EXD1: variants seen among roughly 807,000 people sequenced by gnomAD.
The protein encoded by EXD1 is piRNA biogenesis protein EXD1.
EXD1 carries 63 observed loss-of-function variants against 49.1 expected under a neutral mutation model. The ratio of observed to expected loss-of-function variants is 1.28; its 90% CI spans 1.05 to 1.58. The LOEUF (loss-of-function observed/expected upper bound fraction) is 1.58. Ranked by LOEUF, EXD1 falls within the 40% of genes most tolerant of loss-of-function variation. The pLI, the probability that EXD1 is intolerant of heterozygous loss-of-function variation, is 0.00. For synonymous variants in EXD1, 234 were observed against 239.2 expected, an observed-to-expected ratio of 0.98 and a Z score of 0.20; for missense variants, 748 against 666.0, an observed-to-expected ratio of 1.12 and a Z score of -1.36.
At position 41,227,991 on chromosome 15, in the gene EXD1, A is replaced by C. The variant is rs534622259; in HGVS notation, c.-53-1363T>G. ...CTTGAACCCAGGAGGTGGAGGTTGCAGTGAGCCAAGATCGCGCCATTGCAC... is the reference window on the plus strand; with the variant it reads ...CTTGAACCCAGGAGGTGGAGGTTGCCGTGAGCCAAGATCGCGCCATTGCAC... On this transcript the variant is annotated intron_variant, in intron 1 of 11. Transcript: ENST00000458580. Among the ~76,000 whole-genome samples the C allele has an allele frequency of 5.3e-5, 8 of 152,230 alleles. No individual in the cohort carries two copies. In the South Asian group the frequency reaches 1.7e-3, roughly 32 times the overall value.
chr15:41,189,658 G>C (rs183109817), intron 11 of EXD1, among the ~76,000 whole-genome samples: 2 of 151,390 alleles, frequency 1.3e-5, no homozygotes, highest in East Asian at 3.9e-4. Flanking sequence ...GTGAGACTCT[G>C]TCTCAAAAAA....
At chr15:41,224,475 TATC>T (rs757235811) in intron 2 of EXD1, among the ~76,000 whole-genome samples, 3 of 152,160 alleles carry the variant, frequency 2.0e-5, no homozygotes, top group Non-Finnish European at 4.4e-5. Flanking sequence ...ACTTGAAACT[TATC>T]ATGCCAGGAA....
chr15:41,199,688 T>A (rs1326325132), intron 7 of EXD1, among the ~76,000 whole-genome samples: 2 of 112,706 alleles, frequency 1.8e-5, no homozygotes, highest in Non-Finnish European at 3.5e-5. Flanking sequence ...ATCATATATA[T>A]GAGATATATT....
chr15:41,184,499 G>A lies in EXD1; in HGVS notation c.1151C>T (p.Ala384Val), dbSNP rs2046374288. Residue 384 changes from alanine to valine, a missense_variant, in exon 12 of 12, where the codon GCA (alanine) becomes GTA (valine). Physicochemically the swap from Ala to Val is moderately conservative, Grantham distance 64 (BLOSUM62 0). Coordinates refer to ENST00000458580, the MANE Select transcript of EXD1 (RefSeq NM_001286441.2). ...EKAAREYRVN[A>V]QGLLIRTVLQ... ...CACTGTCCTTATCAGGAGTCCCTGTGCATTCACCCTATATTCTCTTGCAGC... is the reference window on the plus strand; with the variant it reads ...CACTGTCCTTATCAGGAGTCCCTGTACATTCACCCTATATTCTCTTGCAGC... 1.2e-6 allele frequency: 2 copies of A among 1,614,060 alleles called. No individual in the cohort carries two copies. The highest frequency in any genetic ancestry group is 1.7e-6 in the Non-Finnish European group (2 of 1,180,014).
intron 6 of EXD1, among the ~76,000 whole-genome samples, chr15:41,214,815 G>A (rs1206849041): frequency 1.3e-5 from 2 of 151,634 alleles, no homozygotes; most frequent in Non-Finnish European, 2.9e-5. Flanking sequence ...GCACGATCTC[G>A]GCTCACTGCA....
intron 1 of EXD1, among the ~76,000 whole-genome samples, chr15:41,227,546 G>A (rs2047181075): frequency 1.3e-5 from 2 of 151,658 alleles, no homozygotes; most frequent in African/African-American, 4.8e-5. Flanking sequence ...GCGTATGCCT[G>A]TAATCCCAGC....
intron 2 of EXD1, among the ~76,000 whole-genome samples, chr15:41,222,934 CAAAAA>C (rs562493256): frequency 1.0e-5 from 1 of 100,198 alleles, no homozygotes; most frequent in Non-Finnish European, 2.2e-5. Flanking sequence ...GACTCTGTCT[CAAAAA>C]AAAAAAAAAA....
chr15:41,190,195 C>A, intron 10 of EXD1, 67 bp from the exon 11 acceptor site: 2 of 1,556,438 alleles, frequency 1.3e-6, no homozygotes, highest in Non-Finnish European at 1.8e-6. Flanking sequence ...CTGTTTTAGG[C>A]TGGGCACAGT....
Position 41,184,193 on chromosome 15 carries a change from T to G in EXD1, c.1457A>C (p.Glu486Ala). The change falls in exon 12 of 12, where the codon GAA (glutamate) becomes GCA (alanine). Residue 486 changes from glutamate to alanine, a missense_variant. Transcript: ENST00000458580. ...GSEDQRITQK[E>A]HFMTPKHEFQ... The stretch of plus-strand genomic sequence containing the variant: ...CTCATGTTTGGGTGTCATAAAGTGT[T>G]CTTTCTGAGTTATTCTCTGGTCCTC... 1 of 1,614,238 alleles carries G rather than the reference T, an allele frequency of 6.2e-7. No homozygotes were observed. Among genetic ancestry groups the G allele is most frequent in the Non-Finnish European group, 8.5e-7 (1 of 1,180,034 alleles).
chr15:41,220,197 GAACT>G (rs2140901345), intron 2 of EXD1, among the ~76,000 whole-genome samples: 1 of 151,050 alleles, frequency 6.6e-6, no homozygotes, highest in South Asian at 2.1e-4. Flanking sequence ...TTGGGGTTAA[GAACT>G]ATCTATTAAT....
chr15:41,192,594 A>ATTTTTTTTTTTTTTTTTTTT lies in EXD1; in HGVS notation c.721-1029_721-1010dup, dbSNP rs59054803. The stretch of plus-strand genomic sequence containing the variant: ...ACAGGCGTGAACCACTGCGCCAGGC[A>ATTTTTTTTTTTTTTTTTTTT]TTTTTTTTTTTTTTTTTTTTTTTTT... On this transcript the variant is annotated intron_variant, in intron 9 of 11. Coordinates refer to ENST00000458580, the MANE Select transcript of EXD1 (RefSeq NM_001286441.2). Among the ~76,000 whole-genome samples the ATTTTTTTTTTTTTTTTTTTT allele has an allele frequency of 3.4e-4, 14 of 40,838 alleles. 5 individuals are homozygous for ATTTTTTTTTTTTTTTTTTTT. The highest frequency in any genetic ancestry group is 1.7e-4 in the Non-Finnish European group (3 of 18,058). 26.8% of individuals were successfully genotyped at this position (40,838 alleles called of 152,430 possible).
intron 1 of EXD1, among the ~76,000 whole-genome samples, 169 bp from the exon 2 acceptor site, chr15:41,226,797 C>T (rs2047170682): frequency 6.6e-6 from 1 of 152,148 alleles, no homozygotes; most frequent in African/African-American, 2.4e-5. Flanking sequence ...AACTCTCATA[C>T]ATAGGAAACT....
At chr15:41,203,941 A>C (rs2046776495) in intron 7 of EXD1, among the ~76,000 whole-genome samples, 1 of 146,092 alleles carries the variant, frequency 6.8e-6, no homozygotes, top group Non-Finnish European at 1.5e-5. Flanking sequence ...AAAAAAAAAA[A>C]AAACCCTAAA....
At chr15:41,228,272 T>C (rs773025007) in intron 1 of EXD1, among the ~76,000 whole-genome samples, 62 of 152,122 alleles carry the variant, frequency 4.1e-4, no homozygotes, top group Non-Finnish European at 2.4e-4. Context: ...CATAAAAACA[T>C]TGATGAAATA....
At position 41,184,023 on chromosome 15, in the gene EXD1, G is replaced by A. The variant is rs748056334; in HGVS notation, c.1627C>T (p.Pro543Ser). The A allele has an allele frequency of 1.2e-6, 2 of 1,614,160 alleles. No homozygotes were observed. The highest frequency in any genetic ancestry group is 2.2e-5 in the South Asian group (2 of 91,080). The change falls in exon 12 of 12, where the codon CCT (proline) becomes TCT (serine). Residue 543 changes from proline (P) to serine (S), a missense_variant. Pro to Ser is a moderately conservative substitution (Grantham distance 74, BLOSUM62 -1). Transcript: ENST00000458580. ...GTGGAAACCACAGTCTTTCTGATAG[G>A]ATAAAAAGTGTCACTTGGAGACACT... ...TRVSPSDTFY[P>S]IRKTVVSTLP...
At chr15:41,226,087 C>T (rs564748735) in intron 2 of EXD1, among the ~76,000 whole-genome samples, 1 of 151,570 alleles carries the variant, frequency 6.6e-6, no homozygotes, top group Non-Finnish European at 1.5e-5. Context: ...CCTGTCTCTA[C>T]TAAAAATACA....
chr15:41,217,995 A>G (rs1401335545), intron 3 of EXD1, among the ~76,000 whole-genome samples: 2 of 152,182 alleles, frequency 1.3e-5, no homozygotes, highest in African/African-American at 2.4e-5. Flanking sequence ...TATCCAAGGT[A>G]CTTTTGGGGA....
chr15:41,210,278 A>G (rs538245326), intron 6 of EXD1, among the ~76,000 whole-genome samples: 1 of 152,300 alleles, frequency 6.6e-6, no homozygotes, highest in East Asian at 1.9e-4. Context: ...ACACAGGGCA[A>G]TTTACCACAA....
Position 41,194,452 on chromosome 15 carries a change from G to C in EXD1, c.720+1323C>G, listed in dbSNP as rs187394508. Among the ~76,000 whole-genome samples the C allele has an allele frequency of 3.8e-3, 583 of 152,240 alleles. 3 individuals carry two copies. The highest frequency in any genetic ancestry group is 0.02 in the South Asian group (97 of 4,830). On this transcript the variant is annotated intron_variant, in intron 9 of 11. Coordinates refer to ENST00000458580, the MANE Select transcript of EXD1 (RefSeq NM_001286441.2). Reference sequence around the variant, plus strand: ...GGCTACAAGCCAAGGAATACAAGTGGCCACTAGAAGCTGAAAAAGGCAAGG... The same window carrying C: ...GGCTACAAGCCAAGGAATACAAGTGCCCACTAGAAGCTGAAAAAGGCAAGG...
Sources: gnomAD v4.1 joint callset for allele counts (sites outside exome capture counted in the v4.1 genomes callset) on GRCh38, gnomAD v4.1.1 for gene constraint, MANE v1.5 for transcripts, NCBI Gene and HGNC (gene_info 2026-07-23, HGNC 2026-07-21) for gene names.